Variants in MRPL28 observed in about 807,000 individuals in gnomAD.
The protein encoded by MRPL28 is large ribosomal subunit protein bL28m.
Under a neutral mutation model 26.2 loss-of-function variants are expected in MRPL28, and 25 were observed. The ratio of observed to expected loss-of-function variants is 0.95; its 90% CI spans 0.69 to 1.33. The LOEUF (loss-of-function observed/expected upper bound fraction) is 1.33. Among genes scored for constraint, MRPL28 ranks in the 40% most tolerant of loss-of-function variants. The pLI, the probability that MRPL28 is intolerant of heterozygous loss-of-function variation, is 0.00. For synonymous variants in MRPL28, 227 were observed against 140.1 expected (o/e 1.62, Z -4.38); for missense variants, 432 against 327.2 (o/e 1.32, Z -2.47).
chr16:369,018 A>G, intron 3 of MRPL28, 50 bp downstream of exon 3: 1 of 1,589,374 alleles, frequency 6.3e-7, no homozygotes, highest in Non-Finnish European at 8.6e-7. Flanking sequence ...CGTGAGTCTG[A>G]CTGGCCCATC....
In MRPL28 at chr16:369,990, G is replaced by T; in HGVS notation, c.229C>A (p.Arg77=). ...CAGCCCTCGCCGCCCCACAACCCCC[G>T]CTGGGATTCGGGGGGAAAGTAGATG... The part of the protein sequence containing the change: ...IPIYFPPESQ[R]GLWGGEGWIL... Residue 77 remains arginine (R), a synonymous_variant, in exon 2 of 6, where the codon CGG becomes AGG. Coordinates refer to ENST00000199706, the MANE Select transcript of MRPL28 (RefSeq NM_006428.5). 6.2e-7 allele frequency: 1 copy of T among 1,612,962 alleles called. No homozygotes were observed. The highest frequency in any genetic ancestry group is 1.1e-5 in the South Asian group (1 of 91,082).
chr16:368,770 G>A, intron 3 of MRPL28, 135 bp from the exon 4 acceptor site: 1 of 1,359,212 alleles, frequency 7.4e-7, no homozygotes, highest in Non-Finnish European at 9.8e-7. Context: ...GGCCGCCTCA[G>A]CACCCCAGCC....
At chr16:369,830 C>G in intron 2 of MRPL28, 101 bp downstream of exon 2, 1 of 1,439,968 alleles carries the variant, frequency 6.9e-7, no homozygotes, top group East Asian at 2.3e-5. Flanking sequence ...GCTGTAATCC[C>G]CAGGGCCCAC....
Position 367,330 on chromosome 16 carries a change from C to T in MRPL28, c.*345G>A. 1 of 626,618 alleles carries T rather than the reference C, an allele frequency of 1.6e-6. No homozygotes were observed. The highest frequency in any genetic ancestry group is 3.0e-6 in the Non-Finnish European group (1 of 335,580). The allele number at this position is 626,618 out of a possible 1,614,324, so 38.8% of individuals were successfully genotyped here. ...TCCGAGGTCTCAGGGGCAGCAAGGG[C>T]AGGGGTGACAGGATCAGGATCCCCA... On this transcript the variant is annotated 3_prime_UTR_variant, in exon 6 of 6. Transcript: ENST00000199706.
chr16:368,856 C>T, intron 3 of MRPL28: 1 of 978,214 alleles, frequency 1.0e-6, no homozygotes, highest in Non-Finnish European at 1.5e-6. Flanking sequence ...GCCCCACGGG[C>T]AAGTCAGCCA....
intron 2 of MRPL28, chr16:369,680 C>T (rs538685933): frequency 2.9e-6 from 2 of 693,336 alleles, no homozygotes; most frequent in African/African-American, 4.5e-5. Flanking sequence ...CCCATCCTAA[C>T]TTTACCCCGA....
intron 2 of MRPL28, chr16:369,575 GA>G (rs1219042820): frequency 4.9e-6 from 3 of 616,536 alleles, no homozygotes; most frequent in East Asian, 2.7e-5. Flanking sequence ...GTCCCGCCAG[GA>G]AGTCCACCAC....
chr16:368,796 G>T, intron 3 of MRPL28, 161 bp from the exon 4 acceptor site: 2 of 1,202,050 alleles, frequency 1.7e-6, no homozygotes, highest in Non-Finnish European at 2.3e-6. Flanking sequence ...GGTGGGATCA[G>T]CACAGAAGCA....
chr16:370,039 C>T lies in MRPL28; in HGVS notation c.180G>A (p.Glu60=), dbSNP rs2054306593. 1 of 1,613,214 alleles carries T rather than the reference C, an allele frequency of 6.2e-7. No individual in the cohort carries two copies. Among genetic ancestry groups the T allele is most frequent in the Non-Finnish European group, 8.5e-7 (1 of 1,179,838 alleles). Residue 60 remains glutamate, a synonymous_variant, in exon 2 of 6, where the codon GAG becomes GAA. Transcript: ENST00000199706. ...TGGGAATGGGCACGTCCTCCACACG[C>T]TCCCGCTGCCCGTTCTTGGGGTTGA... ...FKINPKNGQR[E]RVEDVPIPIY...
chr16:368,399 CTG>C lies in MRPL28; in HGVS notation c.590_591del (p.Pro197ArgfsTer16). Reference sequence around the variant, plus strand: ...AGGCCCACCCACTCTGCCTCCTCCTCTGGGATGGCAAATTCCTAGGCAGGCAG... The same window carrying C: ...AGGCCCACCCACTCTGCCTCCTCCTCGGATGGCAAATTCCTAGGCAGGCAG... Reference protein sequence around the residue: ...IYDKYKEFAIPEEEAEWVGLT... With the variant: ...IYDKYKEFAIXEEEAEWVGLT... On this transcript the variant is annotated frameshift_variant, in exon 5 of 6. Transcript: ENST00000199706. LOFTEE classifies it high-confidence loss of function. The C allele has an allele frequency of 6.2e-7, 1 of 1,613,842 alleles. No individual in the cohort carries two copies. The highest frequency in any genetic ancestry group is 8.5e-7 in the Non-Finnish European group (1 of 1,180,000).
At position 367,731 on chromosome 16, in the gene MRPL28, G is replaced by A. The variant is rs776786625; in HGVS notation, c.715C>T (p.Gln239Ter). 16 of 1,613,884 alleles carry A rather than the reference G, an allele frequency of 9.9e-6. No homozygotes were observed. The South Asian group carries it at 1.4e-4, about 14-fold the overall frequency. Residue 239 changes from glutamine to a stop codon, truncating the protein, a stop_gained, in exon 6 of 6, where the codon CAG becomes TAG. Coordinates refer to ENST00000199706, the MANE Select transcript of MRPL28 (RefSeq NM_006428.5). LOFTEE classifies it high-confidence loss of function. ...IYVAELIQQLQQQALSEPAVV... is the reference protein window; with the variant it reads ...IYVAELIQQL ...GCCGGCTCTGACAGTGCCTGCTGCT[G>A]CAGCTGCTGGATCAGCTCCGCCACA...
At chr16:370,264 GCCAGGCCCCCGGCACTCACCCCCTAC>G (rs2054312531) in intron 1 of MRPL28, 39 bp from the exon 2 acceptor site, 2 of 1,132,718 alleles carry the variant, frequency 1.8e-6, no homozygotes, top group Admixed American at 6.6e-5. Context: ...TCGCAGCCTG[GCCAGGCCCCCGGCACTCACCCCCTAC>G]CCCGGCCCCC....
chr16:369,049 C>A lies in MRPL28; in HGVS notation c.441+19G>T. On this transcript the variant is annotated intron_variant, in intron 3 of 5. Transcript: ENST00000199706. The stretch of plus-strand genomic sequence containing the variant: ...CCATCCCAGACCCTGTGTGCACTGA[C>A]TCGCCCCACCCCGCTTGCCTTGAGG... 1 of 1,611,634 alleles carries A rather than the reference C, an allele frequency of 6.2e-7. No homozygotes were observed. Among genetic ancestry groups the A allele is most frequent in the East Asian group, 2.2e-5 (1 of 44,862 alleles).
At chr16:370,389 CGCTA>C (rs2054316108) in intron 1 of MRPL28, 106 bp downstream of exon 1, 1 of 656,380 alleles carries the variant, frequency 1.5e-6, no homozygotes, top group African/African-American at 8.4e-5. Context: ...GGCTCTCACC[CGCTA>C]CCCCCTACCC....
intron 2 of MRPL28, chr16:369,605 G>A: frequency 1.4e-6 from 1 of 716,518 alleles, no homozygotes; most frequent in Non-Finnish European, 2.6e-6. Flanking sequence ...TCGAAGCTCT[G>A]CTCGCCTCCC....
At chr16:368,695 C>T (rs2054284852) in intron 3 of MRPL28, 60 bp from the exon 4 acceptor site, 1 of 1,512,756 alleles carries the variant, frequency 6.6e-7, no homozygotes, top group South Asian at 1.3e-5. Flanking sequence ...ACCCTTCCAG[C>T]CAACCCACCT....
Position 367,520 on chromosome 16 carries a change from G to T in MRPL28, c.*155C>A. ...CCTCCTGGGGATCCCTGCCAAGCTGGCCCCGGGCTGGAAGGTGCATGGGCA... is the reference window on the plus strand; with the variant it reads ...CCTCCTGGGGATCCCTGCCAAGCTGTCCCCGGGCTGGAAGGTGCATGGGCA... On this transcript the variant is annotated 3_prime_UTR_variant, in exon 6 of 6. Coordinates refer to ENST00000199706, the MANE Select transcript of MRPL28 (RefSeq NM_006428.5). 1.3e-6 allele frequency: 1 copy of T among 758,412 alleles called. No individual in the cohort carries two copies. Among genetic ancestry groups the T allele is most frequent in the Non-Finnish European group, 2.3e-6 (1 of 428,862 alleles). The allele number at this position is 758,412 out of a possible 1,614,324, so 47.0% of individuals were successfully genotyped here. A position where few individuals can be genotyped will look rare whatever the true frequency, so the allele number is the denominator to read the frequency against.
intron 3 of MRPL28, chr16:368,856 C>A: frequency 1.0e-6 from 1 of 978,214 alleles, no homozygotes; most frequent in Non-Finnish European, 1.5e-6. Flanking sequence ...GCCCCACGGG[C>A]AAGTCAGCCA....
intron 4 of MRPL28, 37 bp from the exon 5 acceptor site, chr16:368,451 G>C (rs1343593673): frequency 1.2e-6 from 2 of 1,613,412 alleles, no homozygotes; most frequent in Admixed American, 1.7e-5. Context: ...GTGAGGCCCA[G>C]GGCCGGGCCA....
Sources: allele counts gnomAD v4.1 joint callset, GRCh38; gene constraint gnomAD v4.1.1; transcripts MANE v1.5; gene names NCBI Gene and HGNC (gene_info 2026-07-23, HGNC 2026-07-21).